The following DGKH variants were observed in gnomAD, a reference collection of about 807,000 sequenced individuals.
The protein encoded by DGKH is diacylglycerol kinase eta, also known as DAG kinase eta.
A neutral mutation model predicts 159.3 loss-of-function variants in DGKH; 90 were observed. That is an observed-to-expected ratio of 0.57 (90% confidence interval 0.48 to 0.67). DGKH has a LOEUF of 0.67. DGKH is among the 30% of genes least tolerant of loss of function. The pLI is 0.00. For missense variants in DGKH, 1,181 were observed against 1,506.1 expected (o/e 0.78, Z 3.57); for synonymous variants, 536 against 553.8 (o/e 0.97, Z 0.45).
At chr13:42,206,709 G>A (rs867747897) in intron 21 of DGKH, among the ~76,000 whole-genome samples, 1 of 152,050 alleles carries the variant, frequency 6.6e-6, no homozygotes, top group African/African-American at 2.4e-5. Flanking sequence ...GCCAGCAAAG[G>A]CAGGTTGAAT....
At chr13:42,219,489 A>G in intron 27 of DGKH, 140 bp downstream of exon 27, 1 of 1,378,800 alleles carries the variant, frequency 7.3e-7, no homozygotes, top group Non-Finnish European at 9.8e-7. Context: ...AACAAATGAG[A>G]AAAGGCATTT....
At chr13:42,120,046 A>G (rs1955039258) in intron 1 of DGKH, among the ~76,000 whole-genome samples, 2 of 152,184 alleles carry the variant, frequency 1.3e-5, no homozygotes, top group South Asian at 4.1e-4. Context: ...ATGAGTCACA[A>G]GTGCACACTT....
chr13:42,252,752 CT>C (rs879534665), intron 30 of DGKH, among the ~76,000 whole-genome samples: 408 of 145,944 alleles, frequency 2.8e-3, no homozygotes, highest in Middle Eastern at 7.0e-3. Flanking sequence ...CATCCTACAA[CT>C]TTTTTTTTTT....
chr13:42,177,155 A>G (rs749982973), intron 12 of DGKH, among the ~76,000 whole-genome samples: 5 of 152,192 alleles, frequency 3.3e-5, no homozygotes, highest in Non-Finnish European at 7.4e-5. Flanking sequence ...TCAGTGTTCA[A>G]GTATCCCATA....
intron 14 of DGKH, among the ~76,000 whole-genome samples, chr13:42,188,318 C>A (rs944129970): frequency 3.9e-5 from 6 of 152,218 alleles, no homozygotes; most frequent in Non-Finnish European, 8.8e-5. Context: ...TTCTTCACCT[C>A]TCGTAATACA....
Position 42,237,632 on chromosome 13 carries a change from A to C in DGKH, c.*8444A>C, listed in dbSNP as rs575065538. 2 of 152,370 alleles carry C rather than the reference A, an allele frequency of 1.3e-5. No individual in the cohort carries two copies. The highest frequency in any genetic ancestry group is 4.1e-4 in the South Asian group (2 of 4,832). 9.4% of individuals were successfully genotyped at this position (152,370 alleles called of 1,614,324 possible). ...ACTGTATCTAGATCTTAGCATAACT[A>C]GTGAATTCAGGGAGCACATCCTGCT... On this transcript the variant is annotated 3_prime_UTR_variant, in exon 30 of 30. Coordinates refer to ENST00000337343, the MANE Select transcript of DGKH (RefSeq NM_178009.5).
chr13:42,235,566 T>G lies in DGKH; in HGVS notation c.*6378T>G, dbSNP rs1306590606. 6.6e-6 allele frequency: 1 copy of G among 152,174 alleles called. No individual in the cohort carries two copies. The highest frequency in any genetic ancestry group is 2.4e-5 in the African/African-American group (1 of 41,462). 9.4% of individuals were successfully genotyped at this position (152,174 alleles called of 1,614,324 possible). On this transcript the variant is annotated 3_prime_UTR_variant, in exon 30 of 30. Transcript: ENST00000337343. The stretch of plus-strand genomic sequence containing the variant: ...GGAAAAAGAATATATTTTGTGGTCC[T>G]TAATGTTTGATTGCACTATTGTTTC...
intron 26 of DGKH, among the ~76,000 whole-genome samples, chr13:42,218,493 A>T (rs1223729710): frequency 1.5e-5 from 2 of 136,054 alleles, no homozygotes; most frequent in African/African-American, 2.7e-5. Context: ...TTATTTGTTC[A>T]TGTGGTGACT....
chr13:42,156,496 C>T (rs1284075062), intron 5 of DGKH, among the ~76,000 whole-genome samples: 2 of 152,084 alleles, frequency 1.3e-5, no homozygotes, highest in African/African-American at 4.8e-5. Flanking sequence ...CCACATTGGC[C>T]TCCCAAAGAG....
intron 5 of DGKH, among the ~76,000 whole-genome samples, chr13:42,158,804 T>C (rs1281792779): frequency 6.6e-6 from 1 of 152,228 alleles, no homozygotes; most frequent in African/African-American, 2.4e-5. Context: ...TTCAGACTTA[T>C]AATCAGTATT....
At chr13:42,225,401 T>G (rs1958098892) in intron 29 of DGKH, 1 of 1,346,230 alleles carries the variant, frequency 7.4e-7, no homozygotes, top group South Asian at 1.4e-5. Flanking sequence ...TATGTATGGC[T>G]GGAAGGATAA....
chr13:42,204,108 C>G (rs1430203655), intron 20 of DGKH, among the ~76,000 whole-genome samples: 3 of 152,112 alleles, frequency 2.0e-5, no homozygotes, highest in Non-Finnish European at 4.4e-5. Context: ...GTTTTCCATA[C>G]CATGTTTGCA....
At chr13:42,040,277 C>T (rs969962909) in intron 1 of DGKH, among the ~76,000 whole-genome samples, 2 of 152,158 alleles carry the variant, frequency 1.3e-5, no homozygotes, top group Admixed American at 6.5e-5. Context: ...AGGCGTCTCC[C>T]GGGACCCGCG....
Position 42,113,822 on chromosome 13 carries a change from C to A in DGKH, c.193-13641C>A, listed in dbSNP as rs142447625. On this transcript the variant is annotated intron_variant, in intron 1 of 29. Coordinates refer to ENST00000337343, the MANE Select transcript of DGKH (RefSeq NM_178009.5). Reference sequence around the variant, plus strand: ...AATCACATAAAAATATTTAGAAGGGCAAATAAAAGGAAAAAGCAATGTTAT... The same window carrying A: ...AATCACATAAAAATATTTAGAAGGGAAAATAAAAGGAAAAAGCAATGTTAT... 2.9e-3 allele frequency among the ~76,000 whole-genome samples: 443 copies of A among 151,676 alleles called. 2 individuals are homozygous for A. Among genetic ancestry groups the A allele is most frequent in the African/African-American group, 9.7e-3 (401 of 41,318 alleles).
chr13:42,195,176 C>T (rs1424724409), intron 17 of DGKH, among the ~76,000 whole-genome samples, 160 bp downstream of exon 17: 1 of 152,152 alleles, frequency 6.6e-6, no homozygotes, highest in Non-Finnish European at 1.5e-5. Context: ...TTAGATTCTT[C>T]CCTGTGTAAC....
rs1555276098 is a variant in DGKH at position 42,207,101 on chromosome 13, C to CTTTCTTTA, written c.2601+962_2601+963insATTTCTTT. 1.3e-4 allele frequency among the ~76,000 whole-genome samples: 17 copies of CTTTCTTTA among 129,206 alleles called. 1 individual carries two copies. The highest frequency in any genetic ancestry group is 4.9e-4 in the African/African-American group (16 of 32,496). 84.8% of individuals were successfully genotyped at this position (129,206 alleles called of 152,430 possible). On this transcript the variant is annotated intron_variant, in intron 21 of 29. Coordinates refer to ENST00000337343, the MANE Select transcript of DGKH (RefSeq NM_178009.5). ...TCTTTCTTTCTTTCTTTCTTTCTTT[C>CTTTCTTTA]TTTCTTTCTTTCTCTTTCTCTCTCC... is the stretch of plus-strand genomic sequence containing the variant.
intron 1 of DGKH, among the ~76,000 whole-genome samples, chr13:42,067,865 T>C (rs1882690193): frequency 6.6e-6 from 1 of 152,118 alleles, no homozygotes. Context: ...CATGCTTGCC[T>C]TGGGATGGGG....
At chr13:42,174,365 G>A (rs952754764) in intron 12 of DGKH, among the ~76,000 whole-genome samples, 9 of 152,224 alleles carry the variant, frequency 5.9e-5, no homozygotes, top group Middle Eastern at 3.4e-3. Context: ...CCCACACCGG[G>A]AGTGCCCAGT....
At position 42,165,388 on chromosome 13, in the gene DGKH, G is replaced by T. The variant is rs1336937653; in HGVS notation, c.913G>T (p.Val305Leu). 1 of 1,594,192 alleles carries T rather than the reference G, an allele frequency of 6.3e-7. No individual in the cohort carries two copies. The highest frequency in any genetic ancestry group is 8.5e-7 in the Non-Finnish European group (1 of 1,171,802). Reference sequence around the variant, plus strand: ...AATATGTCCACTTGGTCAATGTAAAGTATCTATCATACCTCCAATTGCACT... The same window carrying T: ...AATATGTCCACTTGGTCAATGTAAATTATCTATCATACCTCCAATTGCACT... ...HPICPLGQCK[V>L]SIIPPIALNS... Residue 305 changes from valine (V) to leucine (L), a missense_variant, in exon 8 of 30, where the codon GTA becomes TTA. Physicochemically the swap from Val to Leu is conservative, Grantham distance 32. Transcript: ENST00000337343.
Sources: allele counts gnomAD v4.1 joint callset (sites outside exome capture counted in the v4.1 genomes callset), GRCh38; gene constraint gnomAD v4.1.1; transcripts MANE v1.5; gene names NCBI Gene and HGNC (gene_info 2026-07-23, HGNC 2026-07-21).